TENM4: variants seen among roughly 807,000 people sequenced by gnomAD.
TENM4 encodes the protein teneurin transmembrane protein 4.
A neutral mutation model predicts 243.3 loss-of-function variants in TENM4; 82 were observed. The ratio of observed to expected loss-of-function variants is 0.34; its 90% CI spans 0.28 to 0.40. The LOEUF (loss-of-function observed/expected upper bound fraction) is 0.40, where lower values mean the gene tolerates loss of function less well. Among genes scored for constraint, TENM4 ranks in the 10% least tolerant of loss-of-function variants. The pLI is 1.00. For missense variants in TENM4, 3,138 were observed against 3,673.3 expected, an observed-to-expected ratio of 0.85 and a Z score of 3.77; for synonymous variants, 1,412 against 1,456.3, an observed-to-expected ratio of 0.97 and a Z score of 0.69.
At chr11:79,338,465 C>T (rs1366526996) in intron 1 of TENM4, among the ~76,000 whole-genome samples, 1 of 152,228 alleles carries the variant, frequency 6.6e-6, no homozygotes, top group Non-Finnish European at 1.5e-5. Context: ...GGAATTACCT[C>T]CTCAGCACCT....
intron 3 of TENM4, among the ~76,000 whole-genome samples, chr11:79,184,494 G>A (rs1159263672): frequency 6.9e-6 from 1 of 144,596 alleles, no homozygotes; most frequent in African/African-American, 2.6e-5. Context: ...CTGCTGTGCA[G>A]CTAGGTTCCT....
intron 1 of TENM4, among the ~76,000 whole-genome samples, chr11:79,350,987 C>T (rs1357755408): frequency 6.6e-6 from 1 of 152,056 alleles, no homozygotes; most frequent in Admixed American, 6.5e-5. Flanking sequence ...CACTGCCTTC[C>T]TACTCGCCTC....
In TENM4 at chr11:79,018,363, G is replaced by T. The variant is rs550912449; in HGVS notation, c.493+46375C>A. On this transcript the variant is annotated intron_variant, in intron 6 of 33. Coordinates refer to ENST00000278550, the MANE Select transcript of TENM4 (RefSeq NM_001098816.3). ...TGGCTCCTTGGTCTGATAGGCCAGG[G>T]GTAATCTCATTTCTCTGGGCTGCTT... 1.5e-4 allele frequency among the ~76,000 whole-genome samples: 23 copies of T among 152,162 alleles called. No individual in the cohort carries two copies. The South Asian group carries it at 4.6e-3, about 30-fold the overall frequency.
chr11:79,308,724 G>A (rs554793075), intron 1 of TENM4, among the ~76,000 whole-genome samples: 57 of 152,282 alleles, frequency 3.7e-4, no homozygotes, highest in African/African-American at 1.1e-3. Flanking sequence ...GCTAGCACAG[G>A]CCCCTGGTGC....
At chr11:78,692,896 C>T (rs1858860734) in intron 28 of TENM4, among the ~76,000 whole-genome samples, 1 of 152,190 alleles carries the variant, frequency 6.6e-6, no homozygotes, top group African/African-American at 2.4e-5. Flanking sequence ...GTGAGGTCTT[C>T]CCTGACCACC....
chr11:79,388,668 G>T (rs534287252), intron 1 of TENM4, among the ~76,000 whole-genome samples: 2 of 152,170 alleles, frequency 1.3e-5, no homozygotes, highest in African/African-American at 4.8e-5. Context: ...AGCACCACTC[G>T]ATGGGATGCC....
chr11:79,050,573 C>G (rs1281725886), intron 6 of TENM4, among the ~76,000 whole-genome samples: 2 of 152,228 alleles, frequency 1.3e-5, no homozygotes, highest in Non-Finnish European at 2.9e-5. Flanking sequence ...TCTTTACAAG[C>G]AGCTGGAATT....
chr11:79,059,172 T>C (rs941024744), intron 6 of TENM4, among the ~76,000 whole-genome samples: 2 of 152,202 alleles, frequency 1.3e-5, no homozygotes, highest in Non-Finnish European at 1.5e-5. Context: ...GGGGTAACTG[T>C]GATTCTGTTT....
intron 3 of TENM4, among the ~76,000 whole-genome samples, chr11:79,195,593 C>A (rs548279766): frequency 1.3e-5 from 2 of 152,222 alleles, no homozygotes; most frequent in Admixed American, 6.5e-5. Flanking sequence ...TTCATGGGCC[C>A]TGTAACCCCT....
chr11:78,773,850 G>C (rs994740847), intron 17 of TENM4, among the ~76,000 whole-genome samples: 3 of 152,216 alleles, frequency 2.0e-5, no homozygotes, highest in South Asian at 2.1e-4. Context: ...ACTGGCCACT[G>C]TGCTAGGCAC....
chr11:78,773,252 A>C (rs1352608187), intron 17 of TENM4, among the ~76,000 whole-genome samples: 1 of 152,212 alleles, frequency 6.6e-6, no homozygotes, highest in African/African-American at 2.4e-5. Context: ...CTCTTACGTA[A>C]GAGCACAAGC....
chr11:78,738,180 C>A (rs1040409432), intron 20 of TENM4, among the ~76,000 whole-genome samples: 3 of 152,164 alleles, frequency 2.0e-5, no homozygotes, highest in Non-Finnish European at 2.9e-5. Context: ...TGTTTTATAT[C>A]ATAAGTCATG....
intron 14 of TENM4, among the ~76,000 whole-genome samples, chr11:78,811,302 T>A (rs987493707): frequency 6.6e-6 from 1 of 152,214 alleles, no homozygotes; most frequent in African/African-American, 2.4e-5. Context: ...GGAAGAGTCC[T>A]GGATTTGAAG....
intron 1 of TENM4, among the ~76,000 whole-genome samples, chr11:79,392,746 T>C (rs894501754): frequency 4.6e-5 from 7 of 152,334 alleles, no homozygotes; most frequent in African/African-American, 1.7e-4. Context: ...CTTCCAGACT[T>C]ATAAAGCATG....
chr11:78,926,635 A>G (rs892550919), intron 6 of TENM4, among the ~76,000 whole-genome samples: 4 of 150,752 alleles, frequency 2.7e-5, no homozygotes, highest in African/African-American at 9.8e-5. Context: ...TTGTACACAT[A>G]TCACTTTCAT....
intron 1 of TENM4, among the ~76,000 whole-genome samples, chr11:79,406,116 A>G (rs1858566735): frequency 2.6e-5 from 4 of 152,092 alleles, no homozygotes. Flanking sequence ...TTGACCAAAG[A>G]CAAGGTTCTG....
intron 15 of TENM4, among the ~76,000 whole-genome samples, chr11:78,790,468 C>G (rs1400196172): frequency 2.0e-5 from 3 of 152,226 alleles, no homozygotes; most frequent in Non-Finnish European, 4.4e-5. Flanking sequence ...TTAACTAATG[C>G]TCACATCAAG....
intron 6 of TENM4, among the ~76,000 whole-genome samples, chr11:78,994,233 C>A (rs1395693563): frequency 1.3e-5 from 2 of 152,162 alleles, no homozygotes; most frequent in Non-Finnish European, 2.9e-5. Context: ...CATGCAGCTG[C>A]TTGGTAGTTG....
Position 79,396,267 on chromosome 11 carries a change from A to G in TENM4, c.-321+44242T>C, listed in dbSNP as rs557701542. ...TGTATGGTCCAATTAGGCATTTTTT[A>G]AATTTGTGTCTTACCCCATCCTAGC... On this transcript the variant is annotated intron_variant, in intron 1 of 33. Coordinates refer to ENST00000278550, the MANE Select transcript of TENM4 (RefSeq NM_001098816.3). Among the ~76,000 whole-genome samples, 20 of 152,214 alleles carry G rather than the reference A, an allele frequency of 1.3e-4. No individual in the cohort carries two copies. The South Asian group carries it at 1.9e-3, about 14-fold the overall frequency.
Sources: gnomAD v4.1 joint callset for allele counts (sites outside exome capture counted in the v4.1 genomes callset) on GRCh38, gnomAD v4.1.1 for gene constraint, MANE v1.5 for transcripts, NCBI Gene and HGNC (gene_info 2026-07-23, HGNC 2026-07-21) for gene names.